Variants in CYP19A1 observed in about 807,000 individuals in gnomAD.
CYP19A1 encodes cytochrome P450 family 19 subfamily A member 1.
CYP19A1 carries 32 observed loss-of-function variants against 44.4 expected under a neutral mutation model. The observed-to-expected ratio is 0.72, with a 90% CI of 0.54 to 0.97. The LOEUF (loss-of-function observed/expected upper bound fraction) is 0.97, where lower values mean the gene tolerates loss of function less well. CYP19A1 is among the 50% of genes least tolerant of loss of function. The pLI, the probability that CYP19A1 is intolerant of heterozygous loss-of-function variation, is 0.00. For missense variants in CYP19A1, 598 were observed against 637.8 expected, an observed-to-expected ratio of 0.94 and a Z score of 0.67; for synonymous variants, 212 against 215.6, an observed-to-expected ratio of 0.98 and a Z score of 0.14.
chr15:51,305,086 G>T (rs2036189698), intron 1 of CYP19A1, among the ~76,000 whole-genome samples: 1 of 151,756 alleles, frequency 6.6e-6, no homozygotes, highest in South Asian at 2.1e-4. Flanking sequence ...TTTTAGTAGA[G>T]ACAGGGTTTC....
At chr15:51,219,918 A>T (rs940090071) in intron 5 of CYP19A1, among the ~76,000 whole-genome samples, 1 of 152,344 alleles carries the variant, frequency 6.6e-6, no homozygotes, top group East Asian at 1.9e-4. Context: ...CAGGTGAGAA[A>T]GTGTGACTAA....
chr15:51,256,382 C>A (rs898935203), intron 1 of CYP19A1, among the ~76,000 whole-genome samples: 18 of 152,156 alleles, frequency 1.2e-4, no homozygotes, highest in Admixed American at 9.8e-4. Flanking sequence ...CTGAGGGCAG[C>A]CAATGGTTAT....
At chr15:51,260,379 A>G (rs544960848) in intron 1 of CYP19A1, among the ~76,000 whole-genome samples, 1 of 152,352 alleles carries the variant, frequency 6.6e-6, no homozygotes, top group East Asian at 1.9e-4. Context: ...ATGCTATCAT[A>G]TGCATCCATT....
intron 4 of CYP19A1, among the ~76,000 whole-genome samples, chr15:51,223,593 T>TCACACACACACACACACACACACACA (rs5812545): frequency 2.2e-5 from 2 of 90,210 alleles, no homozygotes; most frequent in South Asian, 5.6e-4. Flanking sequence ...TCTCTCTCTC[T>TCACACACACACACACACACACACACA]CACACACACA....
intron 7 of CYP19A1, 48 bp downstream of exon 7, chr15:51,215,655 A>G (rs1169499991): frequency 1.2e-6 from 2 of 1,613,746 alleles, no homozygotes; most frequent in South Asian, 2.2e-5. Context: ...ACCTCTACAC[A>G]GTCATAACAT....
At chr15:51,257,191 A>T (rs986455788) in intron 1 of CYP19A1, among the ~76,000 whole-genome samples, 2 of 152,160 alleles carry the variant, frequency 1.3e-5, no homozygotes, top group Non-Finnish European at 2.9e-5. Flanking sequence ...TCACCTTATT[A>T]TATCTAAACC....
At chr15:51,219,016 C>A (rs1233155624) in intron 5 of CYP19A1, among the ~76,000 whole-genome samples, 1 of 152,208 alleles carries the variant, frequency 6.6e-6, no homozygotes, top group Non-Finnish European at 1.5e-5. Context: ...CTGTTATGGC[C>A]TTCACTCTGG....
chr15:51,216,606 C>A (rs1380983258), intron 6 of CYP19A1, among the ~76,000 whole-genome samples: 1 of 152,170 alleles, frequency 6.6e-6, no homozygotes, highest in African/African-American at 2.4e-5. Context: ...TTTGAGATTC[C>A]TGTTCTAAAC....
intron 1 of CYP19A1, among the ~76,000 whole-genome samples, chr15:51,302,655 T>C (rs2036138757): frequency 6.6e-6 from 1 of 152,078 alleles, no homozygotes; most frequent in Non-Finnish European, 1.5e-5. Context: ...AAACTGAAGG[T>C]GTCTGGCTTC....
At chr15:51,274,746 C>G (rs1156372240) in intron 1 of CYP19A1, among the ~76,000 whole-genome samples, 2 of 152,124 alleles carry the variant, frequency 1.3e-5, no homozygotes, top group East Asian at 3.9e-4. Flanking sequence ...GCCTCCCTGG[C>G]CCTCGCTCCT....
intron 1 of CYP19A1, among the ~76,000 whole-genome samples, chr15:51,294,709 C>A (rs1215642918): frequency 6.7e-6 from 1 of 150,288 alleles, no homozygotes; most frequent in Non-Finnish European, 1.5e-5. Flanking sequence ...CGGCCAGCCG[C>A]CCCGTCTGGC....
chr15:51,242,411 C>A, intron 2 of CYP19A1: 1 of 312,096 alleles, frequency 3.2e-6, no homozygotes, highest in African/African-American at 2.2e-5. Flanking sequence ...ACATTTTCAC[C>A]TTCAGAGCAA....
intron 1 of CYP19A1, chr15:51,312,507 C>G (rs951898749): frequency 6.6e-6 from 1 of 152,278 alleles, no homozygotes; most frequent in Admixed American, 6.5e-5. Flanking sequence ...GACCATCCAG[C>G]CCTAGCTTCT....
At chr15:51,243,359 G>A (rs2033893825) in intron 1 of CYP19A1, among the ~76,000 whole-genome samples, 1 of 152,162 alleles carries the variant, frequency 6.6e-6, no homozygotes. Context: ...TTCCCTTGAA[G>A]CCAAATCAAT....
chr15:51,295,361 A>T (rs1219283762), intron 1 of CYP19A1, among the ~76,000 whole-genome samples: 2 of 152,024 alleles, frequency 1.3e-5, no homozygotes, highest in East Asian at 1.9e-4. Flanking sequence ...TTTCCTTAGG[A>T]TCCTCTATTA....
intron 8 of CYP19A1, among the ~76,000 whole-genome samples, chr15:51,213,472 C>T (rs2031239211): frequency 6.6e-6 from 1 of 152,124 alleles, no homozygotes; most frequent in Non-Finnish European, 1.5e-5. Flanking sequence ...TTCTCATGGC[C>T]CTTCCTCTTA....
At chr15:51,235,495 A>G (rs1328086618) in intron 3 of CYP19A1, among the ~76,000 whole-genome samples, 1 of 152,230 alleles carries the variant, frequency 6.6e-6, no homozygotes, top group Admixed American at 6.5e-5. Context: ...ACCTGAAGCC[A>G]TTTCTGTTTA....
In CYP19A1 at chr15:51,208,423, G is replaced by C. The variant is rs1054664190; in HGVS notation, c.*2385C>G. 1.3e-5 allele frequency: 2 copies of C among 152,066 alleles called. No individual in the cohort carries two copies. The highest frequency in any genetic ancestry group is 4.8e-5 in the African/African-American group (2 of 41,382). 9.4% of individuals were successfully genotyped at this position (152,066 alleles called of 1,614,324 possible). On this transcript the variant is annotated 3_prime_UTR_variant, in exon 10 of 10. Coordinates refer to ENST00000396402, the MANE Select transcript of CYP19A1 (RefSeq NM_000103.4). Reference sequence around the variant, plus strand: ...AGCCCTTATATGCATGCATTTCACTGATAATTTACACATTGCAGTTCTTTC... The same window carrying C: ...AGCCCTTATATGCATGCATTTCACTCATAATTTACACATTGCAGTTCTTTC...
chr15:51,249,890 C>T (rs575107187), intron 1 of CYP19A1, among the ~76,000 whole-genome samples: 3 of 152,344 alleles, frequency 2.0e-5, no homozygotes, highest in East Asian at 3.9e-4. Flanking sequence ...CATCCCCTGG[C>T]ACTGGGGTCA....
Sources: gnomAD v4.1 joint callset for allele counts (sites outside exome capture counted in the v4.1 genomes callset) on GRCh38, gnomAD v4.1.1 for gene constraint, MANE v1.5 for transcripts, NCBI Gene and HGNC (gene_info 2026-07-23, HGNC 2026-07-21) for gene names.